The following CUL2 variants were observed in gnomAD, a reference collection of about 807,000 sequenced individuals.
CUL2 encodes the protein cullin-2.
In CUL2, 22 loss-of-function variants were observed where a neutral mutation model predicts 110.2. The ratio of observed to expected loss-of-function variants is 0.20; its 90% CI spans 0.14 to 0.28. The LOEUF is 0.28. Among genes scored for constraint, CUL2 ranks in the 10% least tolerant of loss-of-function variants. CUL2 has a pLI of 1.00. For missense variants in CUL2, 631 were observed against 905.5 expected, an observed-to-expected ratio of 0.70 and a Z score of 3.89; for synonymous variants, 279 against 293.2, an observed-to-expected ratio of 0.95 and a Z score of 0.49.
At chr10:35,119,560 TTTTATTTATTTATTTATTTATTTA>T (rs10589195) in intron 1 of CUL2, among the ~76,000 whole-genome samples, 30 of 140,742 alleles carry the variant, frequency 2.1e-4, no homozygotes, top group Admixed American at 3.6e-4. Flanking sequence ...TTAAAATTAA[TTTTATTTATTTATTTATTTATTTA>T]TTTATTTATT....
intron 8 of CUL2, among the ~76,000 whole-genome samples, chr10:35,041,690 CCAT>C (rs907435756): frequency 6.6e-6 from 1 of 152,104 alleles, no homozygotes; most frequent in Non-Finnish European, 1.5e-5. Flanking sequence ...GACTACACCA[CCAT>C]GTGTGGCTAG....
At chr10:35,057,631 C>T (rs1160415195) in intron 4 of CUL2, among the ~76,000 whole-genome samples, 3 of 134,662 alleles carry the variant, frequency 2.2e-5, no homozygotes, top group East Asian at 2.2e-4. Flanking sequence ...CCAGCCTGGG[C>T]GACGGAGCAA....
chr10:35,033,389 T>C (rs868820431), intron 10 of CUL2, 116 bp from the exon 11 acceptor site: 1 of 664,116 alleles, frequency 1.5e-6, no homozygotes, highest in Middle Eastern at 2.9e-4. Flanking sequence ...GTTTCACACA[T>C]GCACACTTCT....
At chr10:35,089,706 A>G (rs567206798) in intron 1 of CUL2, among the ~76,000 whole-genome samples, 1 of 152,314 alleles carries the variant, frequency 6.6e-6, no homozygotes, top group East Asian at 1.9e-4. Flanking sequence ...AAGGGTTGAG[A>G]CAAGAAGTCT....
intron 1 of CUL2, among the ~76,000 whole-genome samples, chr10:35,083,913 G>A (rs990715378): frequency 2.0e-5 from 3 of 152,106 alleles, no homozygotes; most frequent in African/African-American, 7.2e-5. Context: ...TCTTTGAAAA[G>A]CAACCTACAA....
chr10:35,117,528 C>CT (rs5784440), intron 1 of CUL2, among the ~76,000 whole-genome samples: 2,844 of 138,330 alleles, frequency 0.021, 75 homozygotes, highest in African/African-American at 0.062. Context: ...CTGCAACTGG[C>CT]TTTTTTTTTT....
chr10:35,126,037 C>T (rs2087792262), intron 1 of CUL2, among the ~76,000 whole-genome samples: 1 of 152,154 alleles, frequency 6.6e-6, no homozygotes, highest in Non-Finnish European at 1.5e-5. Context: ...ACCATGTTGG[C>T]CAGGCTGCTC....
upstream of CUL2, among the ~76,000 whole-genome samples, chr10:35,091,720 A>G (rs1052669460): frequency 6.6e-6 from 1 of 152,006 alleles, no homozygotes. Flanking sequence ...TCCCGGGTTC[A>G]AGTGATTCTC....
At chr10:35,016,939 A>C (rs1019891177) in intron 17 of CUL2, among the ~76,000 whole-genome samples, 37 of 151,638 alleles carry the variant, frequency 2.4e-4, no homozygotes, top group African/African-American at 6.0e-4. Flanking sequence ...AAAAAAAAAA[A>C]AAACAAAAAA....
In CUL2 at chr10:35,096,709, A is replaced by C. The variant is rs60895044; in HGVS notation, c.167+4135T>G. ...ATCTGCTTCCATAAGAGTATTTCAA[A>C]GGGGCACAGGAGCCAACTGAGAGAC... On this transcript the variant is annotated intron_variant, in intron 2 of 5. Transcript: ENST00000685421. 3.7e-3 allele frequency among the ~76,000 whole-genome samples: 571 copies of C among 152,310 alleles called. 6 individuals are homozygous for C. The highest frequency in any genetic ancestry group is 0.013 in the African/African-American group (530 of 41,576).
chr10:35,056,263 G>C (rs986054731), intron 4 of CUL2, among the ~76,000 whole-genome samples: 1 of 152,176 alleles, frequency 6.6e-6, no homozygotes, highest in African/African-American at 2.4e-5. Context: ...AGACAGCAAG[G>C]ATAGCAAAAG....
chr10:35,070,593 A>G (rs540950396), intron 2 of CUL2, among the ~76,000 whole-genome samples: 109 of 152,316 alleles, frequency 7.2e-4, no homozygotes, highest in African/African-American at 2.5e-3. Flanking sequence ...ACCAATCTGC[A>G]TTGTTACATA....
chr10:35,072,548 T>G (rs575679746), intron 1 of CUL2, among the ~76,000 whole-genome samples: 1 of 152,242 alleles, frequency 6.6e-6, no homozygotes, highest in African/African-American at 2.4e-5. Context: ...TTTTGTATTT[T>G]TAGTAGAGAC....
intron 2 of CUL2, among the ~76,000 whole-genome samples, chr10:35,097,153 T>C (rs2087310527): frequency 6.6e-6 from 1 of 152,112 alleles, no homozygotes; most frequent in South Asian, 2.1e-4. Context: ...TTATGTAAAC[T>C]GTAGATTTAC....
chr10:35,015,668 G>T (rs1483779549), intron 18 of CUL2, among the ~76,000 whole-genome samples: 2 of 152,086 alleles, frequency 1.3e-5, no homozygotes, highest in Non-Finnish European at 2.9e-5. Context: ...GAGAAAAAAA[G>T]TAATATACTA....
intron 1 of CUL2, among the ~76,000 whole-genome samples, chr10:35,089,149 T>G (rs1418319264): frequency 6.6e-6 from 1 of 152,234 alleles, no homozygotes; most frequent in African/African-American, 2.4e-5. Context: ...CACTCCAGCC[T>G]GGGTGACAAG....
chr10:35,047,059 TAAAG>T (rs2085962025), intron 6 of CUL2, among the ~76,000 whole-genome samples: 1 of 152,150 alleles, frequency 6.6e-6, no homozygotes, highest in South Asian at 2.1e-4. Context: ...TTCCAGGTAA[TAAAG>T]AAGAACAAAA....
At chr10:35,044,100 G>T (rs2085873971) in intron 8 of CUL2, among the ~76,000 whole-genome samples, 1 of 146,010 alleles carries the variant, frequency 6.8e-6, no homozygotes, top group Non-Finnish European at 1.5e-5. Flanking sequence ...TTGTCTCTCA[G>T]CCTTTCAAGA....
At chr10:35,119,275 T>C (rs1270770016) in intron 1 of CUL2, among the ~76,000 whole-genome samples, 2 of 152,228 alleles carry the variant, frequency 1.3e-5, no homozygotes, top group African/African-American at 2.4e-5. Flanking sequence ...CCTGTTTTCA[T>C]TGGTTCAGTT....
Sources: allele counts gnomAD v4.1 joint callset (sites outside exome capture counted in the v4.1 genomes callset), GRCh38; gene constraint gnomAD v4.1.1; transcripts MANE v1.5; gene names NCBI Gene and HGNC (gene_info 2026-07-23, HGNC 2026-07-21).